Variants in HCFC1 observed in about 807,000 individuals in gnomAD.
HCFC1 encodes the protein host cell factor 1.
A neutral mutation model predicts 105.5 loss-of-function variants in HCFC1; 7 were observed. The ratio of observed to expected loss-of-function variants is 0.07; its 90% CI spans 0.04 to 0.12. The LOEUF is 0.12. Ranked by LOEUF, HCFC1 falls within the 10% of genes least tolerant of loss-of-function variation. HCFC1 has a pLI of 1.00. For synonymous variants in HCFC1, 918 were observed against 828.1 expected, an observed-to-expected ratio of 1.11 and a Z score of -1.86; for missense variants, 1,065 against 1,823.6, an observed-to-expected ratio of 0.58 and a Z score of 7.58.
intron 23 of HCFC1, 91 bp from the exon 24 acceptor site, chrX:153,950,634 A>G: frequency 1.1e-6 from 1 of 918,254 alleles, no homozygotes; most frequent in East Asian, 3.1e-5. Flanking sequence ...TTTCTAACAC[A>G]GTAGAGATAT....
chrX:153,958,518 G>A lies in HCFC1; in HGVS notation c.1803+51C>T, dbSNP rs377585285. 18 of 1,076,237 alleles carry A rather than the reference G, an allele frequency of 1.7e-5. No individual in the cohort carries two copies. The African/African-American group carries it at 2.4e-4, about 14-fold the overall frequency. 88.7% of individuals were successfully genotyped at this position (1,076,237 alleles called of 1,213,427 possible). A position where few individuals can be genotyped will look rare whatever the true frequency, so the allele number is the denominator to read the frequency against. On this transcript the variant is annotated intron_variant, in intron 10 of 25. Transcript: ENST00000310441. ...CAACGGCTAACTCTAAAGCCCGGAG[G>A]GAATGACTATGCTTGTTTGACCACA...
Position 153,950,280 on chromosome X carries a change from C to T in HCFC1, c.5967G>A (p.Lys1989=), listed in dbSNP as rs782013664. 3.8e-5 allele frequency: 46 copies of T among 1,201,792 alleles called. No homozygotes were observed. The South Asian group carries it at 8.3e-4, about 22-fold the overall frequency. Residue 1989 remains lysine, a synonymous_variant, in exon 24 of 26, where the codon AAG becomes AAA. Transcript: ENST00000310441. ...IIFRIAARNE[K]GYGPATQVRW... The stretch of plus-strand genomic sequence containing the variant: ...TCACTTGTGTGGCCGGGCCATAGCC[C>T]TTCTCATTGCGGGCGGCGATGCGGA...
At position 153,951,622 on chromosome X, in the gene HCFC1, G is replaced by C. The variant is rs782189273; in HGVS notation, c.5346C>G (p.Thr1782=). The C allele has an allele frequency of 1.7e-5, 21 of 1,211,011 alleles. No homozygotes were observed. The highest frequency in any genetic ancestry group is 2.2e-5 in the Non-Finnish European group (20 of 895,247). The change falls in exon 21 of 26, where the codon ACC becomes ACG. Residue 1782 remains threonine (T), a synonymous_variant. Transcript: ENST00000310441. Reference sequence around the variant, plus strand: ...GGGACTCGATGCCATTGGCCACTTCGGTCAGGGTAGCTGCAGCCTGCAGCT... The same window carrying C: ...GGGACTCGATGCCATTGGCCACTTCCGTCAGGGTAGCTGCAGCCTGCAGCT... The part of the protein sequence containing the change: ...PAKLQAAATL[T]EVANGIESLG...
At position 153,948,457 on chromosome X, in the gene HCFC1, C is replaced by T. The variant is rs1303591838; in HGVS notation, c.*890G>A. The T allele has an allele frequency of 9.1e-6, 1 of 110,072 alleles. No individual in the cohort carries two copies. The highest frequency in any genetic ancestry group is 2.8e-4 in the East Asian group (1 of 3,541). The allele number at this position is 110,072 out of a possible 1,213,427, so 9.1% of individuals were successfully genotyped here. ...GCTTTTCCTCCAGAAAGATCCCTGC[C>T]AAGAATTAGCCAAGAAGAAAAAAGT... On this transcript the variant is annotated 3_prime_UTR_variant, in exon 26 of 26. Coordinates refer to ENST00000310441, the MANE Select transcript of HCFC1 (RefSeq NM_005334.3).
Position 153,954,575 on chromosome X carries a change from A to G in HCFC1, c.3824T>C (p.Leu1275Pro). ...GGCCGAGGGGCACAGCAGTGCCTCC[A>G]GGGCTGTCACAGTCACTGTGGTGCT... ...SPSTTVTVTA[L>P]EALLCPSATV... Residue 1275 changes from leucine (L) to proline (P), a missense_variant, in exon 17 of 26, where the codon CTG (leucine) becomes CCG (proline). Transcript: ENST00000310441. 1 of 1,210,814 alleles carries G rather than the reference A, an allele frequency of 8.3e-7. No individual in the cohort carries two copies. Among genetic ancestry groups the G allele is most frequent in the Non-Finnish European group, 1.1e-6 (1 of 894,971 alleles).
Position 153,959,202 on chromosome X carries a change from G to A in HCFC1, c.1605+129C>T, listed in dbSNP as rs950766280. On this transcript the variant is annotated intron_variant, in intron 9 of 25. Coordinates refer to ENST00000310441, the MANE Select transcript of HCFC1 (RefSeq NM_005334.3). ...CGCAGGAGCGTTTCCCCATCTGCACGTCCCAGGAGGGAAAGGTGTGGGGTG... is the reference window on the plus strand; with the variant it reads ...CGCAGGAGCGTTTCCCCATCTGCACATCCCAGGAGGGAAAGGTGTGGGGTG... The A allele has an allele frequency of 1.0e-4, 71 of 699,643 alleles. No homozygotes were observed. The Admixed American group carries it at 2.0e-3, about 20-fold the overall frequency. The allele number at this position is 699,643 out of a possible 1,213,427, so 57.7% of individuals were successfully genotyped here.
intron 13 of HCFC1, 63 bp from the exon 14 acceptor site, chrX:153,957,123 G>C: frequency 1.8e-6 from 2 of 1,127,896 alleles, no homozygotes; most frequent in Non-Finnish European, 2.4e-6. Context: ...GCTGCCCCTA[G>C]ACTATAATGA....
chrX:153,959,905 G>T lies in HCFC1; in HGVS notation c.1341C>A (p.Leu447=). The change falls in exon 8 of 26, where the codon CTC becomes CTA. Residue 447 remains leucine, a synonymous_variant. Coordinates refer to ENST00000310441, the MANE Select transcript of HCFC1 (RefSeq NM_005334.3). Reference sequence around the variant, plus strand: ...GGGGTGCGGGGGCAGCCTGGGGCAGGAGCGTGATGCCTACTTGGGTCAGCG... The same window carrying T: ...GGGGTGCGGGGGCAGCCTGGGGCAGTAGCGTGATGCCTACTTGGGTCAGCG... The part of the protein sequence containing the change: ...VQPLTQVGIT[L]LPQAAPAPPT... The T allele has an allele frequency of 2.5e-6, 3 of 1,205,658 alleles. No individual in the cohort carries two copies. Among genetic ancestry groups the T allele is most frequent in the Non-Finnish European group, 2.2e-6 (2 of 891,210 alleles).
At position 153,952,748 on chromosome X, in the gene HCFC1, C is replaced by T. The variant is rs1258719875; in HGVS notation, c.4708G>A (p.Val1570Met). The part of the protein sequence containing the change: ...ESAGSAVVAT[V>M]VVQPPPPTQS... ...GTGGGTGGGGGTGGCTGGACCACCA[C>T]AGTGGCCACCACCGCAGAGCCGGCA... is the stretch of plus-strand genomic sequence containing the variant. Residue 1570 changes from valine (V) to methionine (M), a missense_variant, in exon 19 of 26, where the codon GTG (valine) becomes ATG (methionine). Val to Met is a conservative substitution (Grantham distance 21). Transcript: ENST00000310441. 3.3e-6 allele frequency: 4 copies of T among 1,207,772 alleles called. No homozygotes were observed. Among genetic ancestry groups the T allele is most frequent in the Non-Finnish European group, 4.5e-6 (4 of 893,442 alleles).
chrX:153,969,418 A>C (rs1431002520), intron 1 of HCFC1: 1 of 111,626 alleles, frequency 9.0e-6, no homozygotes, highest in East Asian at 2.8e-4. Context: ...GGGCATCCCA[A>C]GGCCCTCCCC....
rs782263520 is a variant in HCFC1, at chrX:153,960,393, A to G, written c.926T>C (p.Ile309Thr). ...GTTGTCCTCCAGTGTATCCATCAGG[A>G]TGGTCTCCCAGGCCATGGTATCTGG... is the stretch of plus-strand genomic sequence containing the variant. ...LNLDTMAWET[I>T]LMDTLEDNIP... is the part of the protein sequence containing the mutation. Residue 309 changes from isoleucine (I) to threonine (T), a missense_variant, in exon 7 of 26, where the codon ATC (isoleucine) becomes ACC (threonine). Ile to Thr is a moderately conservative substitution (Grantham distance 89). Transcript: ENST00000310441. 8.3e-7 allele frequency: 1 copy of G among 1,198,775 alleles called. No individual in the cohort carries two copies. The highest frequency in any genetic ancestry group is 1.8e-5 in the South Asian group (1 of 54,802).
In HCFC1 at chrX:153,959,505, G is replaced by A. The variant is rs184593569; in HGVS notation, c.1445-14C>T. 9.4e-4 allele frequency: 1,138 copies of A among 1,209,010 alleles called. 6 individuals are homozygous for A. The African/African-American group carries it at 0.018, about 20-fold the overall frequency. ...CAGCAGGGACACCTGATGAGAGAAG[G>A]GGCCAGCCGTCAGCCATCACCTTCT... On this transcript the variant is annotated splice_polypyrimidine_tract_variant and intron_variant, in intron 8 of 25. Coordinates refer to ENST00000310441, the MANE Select transcript of HCFC1 (RefSeq NM_005334.3).
At chrX:153,966,703 AACAGAG>A (rs2065476969) in intron 1 of HCFC1, among the ~76,000 whole-genome samples, 1 of 112,452 alleles carries the variant, frequency 8.9e-6, no homozygotes, top group African/African-American at 3.2e-5. Flanking sequence ...CACAGCGTAA[AACAGAG>A]ACAGAGACAA....
Position 153,960,147 on chromosome X carries a change from G to C in HCFC1, c.1099C>G (p.Pro367Ala). The C allele has an allele frequency of 8.3e-7, 1 of 1,208,740 alleles. No individual in the cohort carries two copies. The highest frequency in any genetic ancestry group is 1.1e-6 in the Non-Finnish European group (1 of 893,244). The change falls in exon 8 of 26, where the codon CCA becomes GCA. Residue 367 changes from proline (P) to alanine (A), a missense_variant. Transcript: ENST00000310441. The part of the protein sequence containing the change: ...WYLETEKPPP[P>A]ARVQLVRANT... ...GCGCGTACCAGTTGTACTCGGGCTGGGGGTGGTGGCTTTTCTGTGGGAGAA... is the reference window on the plus strand; with the variant it reads ...GCGCGTACCAGTTGTACTCGGGCTGCGGGTGGTGGCTTTTCTGTGGGAGAA...
In HCFC1 at chrX:153,951,872, A is replaced by G. The variant is rs781840949; in HGVS notation, c.5229T>C (p.Thr1743=). The part of the protein sequence containing the change: ...LNELAGTVPS[T]VALLPSTATE... ...TGGCCGTTGAGGGCAGCAGCGCCAC[A>G]GTGCTGGGGACCGTGCCGGCCAGCT... The change falls in exon 20 of 26, where the codon ACT becomes ACC. Residue 1743 remains threonine (T), a synonymous_variant. Transcript: ENST00000310441. 3 of 1,194,898 alleles carry G rather than the reference A, an allele frequency of 2.5e-6. No individual in the cohort carries two copies. Among genetic ancestry groups the G allele is most frequent in the Non-Finnish European group, 3.4e-6 (3 of 885,498 alleles).
rs782472264 is a variant in HCFC1 at position 153,968,354 on chromosome X, G to A, written c.193+2294C>T. Among the ~76,000 whole-genome samples, 8 of 112,371 alleles carry A rather than the reference G, an allele frequency of 7.1e-5. 1 individual carries two copies. The highest frequency in any genetic ancestry group is 5.7e-4 in the Admixed American group (6 of 10,616). On this transcript the variant is annotated intron_variant, in intron 1 of 25. Transcript: ENST00000310441. The stretch of plus-strand genomic sequence containing the variant: ...ACAAGGCTTTTTGAGGACTGATCCC[G>A]CAGAACTGCAAGGGGCACAGGCGTG...
chrX:153,956,123 C>T (rs782471521), intron 16 of HCFC1, 68 bp downstream of exon 16: 3 of 1,003,504 alleles, frequency 3.0e-6, no homozygotes, highest in South Asian at 2.0e-5. Flanking sequence ...GGACGGACGG[C>T]GTGAGCCTCA....
At chrX:153,958,819 T>C in intron 9 of HCFC1, 53 bp from the exon 10 acceptor site, 3 of 979,024 alleles carry the variant, frequency 3.1e-6, no homozygotes, top group Non-Finnish European at 4.1e-6. Context: ...CCCACCTCCC[T>C]GCTTGGTGGA....
rs1421618347 is a variant in HCFC1, at chrX:153,971,290, G to T, written c.-450C>A. The stretch of plus-strand genomic sequence containing the variant: ...CCCAGCACTGGCCGGCTTCCGGGGC[G>T]GGTGGAAAGGAGCCACAAGCGCCGC... On this transcript the variant is annotated 5_prime_UTR_variant, in exon 1 of 26. Transcript: ENST00000310441. 1 of 298,330 alleles carries T rather than the reference G, an allele frequency of 3.4e-6. No homozygotes were observed. The highest frequency in any genetic ancestry group is 4.8e-5 in the East Asian group (1 of 21,017). The allele number at this position is 298,330 out of a possible 1,213,427, so 24.6% of individuals were successfully genotyped here.
Sources: allele counts gnomAD v4.1 joint callset (sites outside exome capture counted in the v4.1 genomes callset), GRCh38; gene constraint gnomAD v4.1.1; transcripts MANE v1.5; gene names NCBI Gene and HGNC (gene_info 2026-07-23, HGNC 2026-07-21).